MRTFA: variants seen among roughly 807,000 people sequenced by gnomAD.
The protein encoded by MRTFA is myocardin-related transcription factor A.
Under a neutral mutation model 83.5 loss-of-function variants are expected in MRTFA, and 20 were observed. That is an observed-to-expected ratio of 0.24 (90% CI 0.17 to 0.35). The LOEUF (loss-of-function observed/expected upper bound fraction) is 0.35, where lower values mean the gene tolerates loss of function less well. MRTFA is among the 10% of genes least tolerant of loss of function. MRTFA has a pLI of 1.00. For missense variants in MRTFA, 1,200 were observed against 1,224.7 expected, an observed-to-expected ratio of 0.98 and a Z score of 0.30; for synonymous variants, 659 against 541.2, an observed-to-expected ratio of 1.22 and a Z score of -3.02.
chr22:40,416,374 T>G lies in MRTFA; in HGVS notation c.2578+612A>C, dbSNP rs2147060995. ...CCTGCTTCTGCCCTTGCACGGCTAC[T>G]ATCGCCTGGGTCCTGCATCAGACCA... On this transcript the variant is annotated intron_variant, in intron 14 of 14. Coordinates refer to ENST00000355630, the MANE Select transcript of MRTFA (RefSeq NM_020831.6). The surrounding 1 kb of genome is among the most constrained non-coding windows in gnomAD (Gnocchi z 4.2). Among the ~76,000 whole-genome samples, 1 of 152,376 alleles carries G rather than the reference T, an allele frequency of 6.6e-6. No individual in the cohort carries two copies. The highest frequency in any genetic ancestry group is 1.9e-4 in the East Asian group (1 of 5,186).
chr22:40,518,423 A>AG (rs1405189136), intron 3 of MRTFA, among the ~76,000 whole-genome samples: 5 of 117,450 alleles, frequency 4.3e-5, no homozygotes, highest in Admixed American at 8.1e-5. Flanking sequence ...GTTGTTGGTG[A>AG]GGGAAAAAAA....
intron 4 of MRTFA, among the ~76,000 whole-genome samples, chr22:40,459,763 G>C (rs2053663069): frequency 7.1e-6 from 1 of 140,064 alleles, no homozygotes; most frequent in South Asian, 2.3e-4. Flanking sequence ...CAGGCACTGG[G>C]GACGGGACTG....
At position 40,597,558 on chromosome 22, in the gene MRTFA, G is replaced by C. The variant is rs560759293; in HGVS notation, c.-83-2823C>G. 5.8e-4 allele frequency among the ~76,000 whole-genome samples: 89 copies of C among 152,194 alleles called. 1 individual carries two copies. Among genetic ancestry groups the C allele is most frequent in the Admixed American group, 4.8e-3 (74 of 15,272 alleles). ...TTGGCTTTAGTCATGGATAAAGAAG[G>C]TTACAAATTTAGAAGTCCAATACAA... On this transcript the variant is annotated intron_variant, in intron 1 of 14. Transcript: ENST00000355630.
intron 3 of MRTFA, among the ~76,000 whole-genome samples, chr22:40,519,782 T>G (rs1274031074): frequency 6.6e-6 from 1 of 152,170 alleles, no homozygotes; most frequent in Non-Finnish European, 1.5e-5. Context: ...TCAATCTAGT[T>G]TCACTTTGGA....
chr22:40,551,765 T>C (rs2055447828), intron 3 of MRTFA, among the ~76,000 whole-genome samples: 1 of 152,198 alleles, frequency 6.6e-6, no homozygotes, highest in Non-Finnish European at 1.5e-5. Flanking sequence ...GGCTATACGA[T>C]AGAGTATGTT....
In MRTFA at chr22:40,418,579, G is replaced by A. The variant is rs1284522255; in HGVS notation, c.2159C>T (p.Ser720Phe). 2 of 1,554,282 alleles carry A rather than the reference G, an allele frequency of 1.3e-6. No homozygotes were observed. Among genetic ancestry groups the A allele is most frequent in the South Asian group, 1.2e-5 (1 of 80,352 alleles). The change falls in exon 12 of 15, where the codon TCC becomes TTC. Residue 720 changes from serine to phenylalanine, a missense_variant. By Grantham distance (155) the Ser-to-Phe change is radical (BLOSUM62 -2). This residue lies in a region of MRTFA where 1,107 missense variants were observed against 1,041.8 expected (regional missense o/e 1.06). Coordinates refer to ENST00000355630, the MANE Select transcript of MRTFA (RefSeq NM_020831.6). ...CAAGGCTTCCTGCTTCACCACCACG[G>A]ACGGGGGCCCCGGGGCCACAGCACA...
chr22:40,418,332 C>A (rs753381369), intron 12 of MRTFA, 42 bp downstream of exon 12: 2 of 1,593,962 alleles, frequency 1.3e-6, no homozygotes, highest in South Asian at 1.1e-5. Context: ...GCTCTTCCCA[C>A]CCTCCTCTGG....
At position 40,468,544 on chromosome 22, in the gene MRTFA, T is replaced by C. The variant is rs111226686; in HGVS notation, c.242-5258A>G. Among the ~76,000 whole-genome samples the C allele has an allele frequency of 6.9e-4, 105 of 152,324 alleles. 1 individual carries two copies. Among genetic ancestry groups the C allele is most frequent in the African/African-American group, 2.5e-3 (103 of 41,574 alleles). ...TGTAGGGACATTTCATTAACTGAGC[T>C]GTAACTCAGGAATACTGACAAGTCT... is the stretch of plus-strand genomic sequence containing the variant. On this transcript the variant is annotated intron_variant, in intron 3 of 14. Coordinates refer to ENST00000355630, the MANE Select transcript of MRTFA (RefSeq NM_020831.6).
chr22:40,519,579 C>T lies in MRTFA; in HGVS notation c.241+32527G>A, dbSNP rs1040566212. ...CCAAAGTGGAGGTGAAAGGCAATCA[C>T]GCTGATTTGTTATACCCAATTTGAG... On this transcript the variant is annotated intron_variant, in intron 3 of 14. Transcript: ENST00000355630. 6.9e-5 allele frequency: 93 copies of T among 1,343,564 alleles called. No individual in the cohort carries two copies. In the African/African-American group the frequency reaches 9.5e-4, roughly 14 times the overall value. The allele number at this position is 1,343,564 out of a possible 1,614,324, so 83.2% of individuals were successfully genotyped here.
chr22:40,527,039 T>C (rs1030576772), intron 3 of MRTFA, among the ~76,000 whole-genome samples: 12 of 151,888 alleles, frequency 7.9e-5, no homozygotes, highest in African/African-American at 2.7e-4. Flanking sequence ...GATGGGAGGA[T>C]TGCTTGAGCC....
intron 3 of MRTFA, among the ~76,000 whole-genome samples, chr22:40,502,122 T>C (rs1380835031): frequency 3.4e-5 from 4 of 118,472 alleles, no homozygotes; most frequent in Admixed American, 1.6e-4. Context: ...GAGGCGCCCC[T>C]CACCTCCCGG....
intron 11 of MRTFA, 108 bp downstream of exon 11, chr22:40,420,297 C>CCTGTCA: frequency 1.6e-6 from 2 of 1,289,838 alleles, no homozygotes; most frequent in South Asian, 1.4e-5. Flanking sequence ...CTTTCCATGA[C>CCTGTCA]GGTGGGTCCT....
intron 3 of MRTFA, among the ~76,000 whole-genome samples, chr22:40,506,106 C>A (rs957613190): frequency 3.9e-5 from 6 of 152,094 alleles, no homozygotes; most frequent in South Asian, 4.2e-4. Flanking sequence ...TGGTAGCGGG[C>A]GCCTATAGTC....
At chr22:40,573,131 G>A (rs1304511016) in intron 2 of MRTFA, among the ~76,000 whole-genome samples, 1 of 152,218 alleles carries the variant, frequency 6.6e-6, no homozygotes, top group Non-Finnish European at 1.5e-5. Flanking sequence ...AGAAAAGGGA[G>A]AGGGAAGGAG....
intron 3 of MRTFA, among the ~76,000 whole-genome samples, chr22:40,499,900 A>C (rs1478738362): frequency 1.8e-4 from 25 of 135,726 alleles, no homozygotes; most frequent in Non-Finnish European, 9.4e-5. Context: ...CCTGGACAAG[A>C]TTTTCAAGTA....
chr22:40,504,988 C>T (rs1376752487), intron 3 of MRTFA, among the ~76,000 whole-genome samples: 2 of 152,152 alleles, frequency 1.3e-5, no homozygotes, highest in African/African-American at 2.4e-5. Flanking sequence ...TATCCCCAAC[C>T]GAATGCTAAG....
At chr22:40,566,777 G>A (rs190012818) in intron 2 of MRTFA, among the ~76,000 whole-genome samples, 1 of 152,196 alleles carries the variant, frequency 6.6e-6, no homozygotes, top group African/African-American at 2.4e-5. Context: ...AGGTTGCAGT[G>A]AGCCGACATC....
At chr22:40,520,559 A>G (rs2054848417) in intron 3 of MRTFA, among the ~76,000 whole-genome samples, 1 of 152,056 alleles carries the variant, frequency 6.6e-6, no homozygotes, top group Admixed American at 6.6e-5. Context: ...GGCACATGCC[A>G]CCAGCCTGGC....
At chr22:40,412,192 A>G (rs1194361822) in intron 14 of MRTFA, 1 of 262,076 alleles carries the variant, frequency 3.8e-6, no homozygotes, top group Non-Finnish European at 7.1e-6. Context: ...TTGAACAGAC[A>G]TTTTTCCAAA....
Sources: allele counts gnomAD v4.1 joint callset (sites outside exome capture counted in the v4.1 genomes callset), GRCh38; gene constraint gnomAD v4.1.1; regional missense constraint gnomAD v4.1.1; non-coding constraint Gnocchi (gnomAD v3.1); transcripts MANE v1.5; gene names NCBI Gene and HGNC (gene_info 2026-07-23, HGNC 2026-07-21).